Variants in LOC400499 observed in about 807,000 individuals in gnomAD.
the LOC400499 span, among the ~76,000 whole-genome samples, chr16:11,504,574 G>A: frequency 6.6e-5 from 10 of 151,480 alleles, no homozygotes; most frequent in South Asian, 2.1e-4. Flanking sequence ...AAAAAAAGAC[G>A]GATACGTAGG....
At chr16:11,421,787 G>A in the LOC400499 span, among the ~76,000 whole-genome samples, 17 of 152,116 alleles carry the variant, frequency 1.1e-4, no homozygotes, top group African/African-American at 3.6e-4. Flanking sequence ...GGGATGGGAG[G>A]GACTACTAAT....
chr16:11,444,088 A>G, the LOC400499 span, among the ~76,000 whole-genome samples: 1 of 151,804 alleles, frequency 6.6e-6, no homozygotes, highest in Non-Finnish European at 1.5e-5. Flanking sequence ...TGATCCACCC[A>G]CCCTGGCTTC....
At chr16:11,384,099 C>G in the LOC400499 span, 3 of 1,228,944 alleles carry the variant, frequency 2.4e-6, no homozygotes, top group Non-Finnish European at 2.0e-6. Flanking sequence ...CCCCCAAACC[C>G]TGGGCCTACG....
At chr16:11,450,173 G>T in the LOC400499 span, among the ~76,000 whole-genome samples, 2 of 152,258 alleles carry the variant, frequency 1.3e-5, no homozygotes, top group Non-Finnish European at 2.9e-5. Flanking sequence ...CAGCCCTGCA[G>T]ATGACACTCA....
chr16:11,446,107 G>A, the LOC400499 span, among the ~76,000 whole-genome samples: 76 of 151,864 alleles, frequency 5.0e-4, no homozygotes, highest in African/African-American at 1.8e-3. Flanking sequence ...TTACAGGTAT[G>A]AGCCACCACA....
the LOC400499 span, chr16:11,385,401 G>A: frequency 4.1e-6 from 5 of 1,232,300 alleles, no homozygotes; most frequent in Non-Finnish European, 5.1e-6. Context: ...CTGGGCCCCA[G>A]CCACCAGGGC....
At chr16:11,527,491 G>A in the LOC400499 span, among the ~76,000 whole-genome samples, 1 of 152,222 alleles carries the variant, frequency 6.6e-6, no homozygotes, top group Non-Finnish European at 1.5e-5. Flanking sequence ...TCTCAGGTCA[G>A]AAGGCAAGAC....
chr16:11,478,590 C>T, the LOC400499 span: 23 of 398,940 alleles, frequency 5.8e-5, no homozygotes, highest in East Asian at 5.7e-4. Context: ...CGTGACTCCC[C>T]GTGGCCCCGC....
At chr16:11,510,839 A>G in the LOC400499 span, among the ~76,000 whole-genome samples, 1 of 151,604 alleles carries the variant, frequency 6.6e-6, no homozygotes, top group East Asian at 1.9e-4. Flanking sequence ...GACAGGGCCA[A>G]GCCAGGGCCA....
the LOC400499 span, chr16:11,412,962 G>A: frequency 2.5e-6 from 1 of 399,260 alleles, no homozygotes; most frequent in East Asian, 3.6e-5. Context: ...AGCTGAGGAG[G>A]GAGCAGGCTG....
At chr16:11,427,950 AG>A in the LOC400499 span, among the ~76,000 whole-genome samples, 3 of 152,180 alleles carry the variant, frequency 2.0e-5, no homozygotes, top group African/African-American at 7.2e-5. Context: ...GTTACAGGAA[AG>A]GGGTCCGGAT....
the LOC400499 span, among the ~76,000 whole-genome samples, chr16:11,522,736 A>C: frequency 6.6e-6 from 1 of 152,196 alleles, no homozygotes; most frequent in Non-Finnish European, 1.5e-5. Flanking sequence ...CTACTCACCT[A>C]TCATCTTGAT....
the LOC400499 span, chr16:11,448,789 C>A: frequency 1.8e-6 from 1 of 556,258 alleles, no homozygotes; most frequent in Non-Finnish European, 2.9e-6. Flanking sequence ...ATAGAGGCTC[C>A]AGGAGGCCCA....
the LOC400499 span, among the ~76,000 whole-genome samples, chr16:11,386,028 C>G: frequency 6.6e-6 from 1 of 152,058 alleles, no homozygotes; most frequent in Non-Finnish European, 1.5e-5. Context: ...AGAGTGAGAC[C>G]TAGTCTCAAA....
At chr16:11,428,025 C>CAAAGCA in the LOC400499 span, among the ~76,000 whole-genome samples, 4 of 152,034 alleles carry the variant, frequency 2.6e-5, no homozygotes, top group African/African-American at 9.7e-5. Context: ...GTCCACGGTG[C>CAAAGCA]AAAGCAAAAG....
At chr16:11,417,470 G>T in the LOC400499 span, among the ~76,000 whole-genome samples, 1 of 114,224 alleles carries the variant, frequency 8.8e-6, no homozygotes, top group African/African-American at 4.1e-5. Context: ...TGCCTTGGGA[G>T]TTAGGTCATT....
the LOC400499 span, among the ~76,000 whole-genome samples, chr16:11,490,425 C>T: frequency 5.0e-5 from 7 of 139,118 alleles, no homozygotes; most frequent in Non-Finnish European, 6.1e-5. Flanking sequence ...AAAGTCCGGG[C>T]GCAGTGGCTC....
At chr16:11,373,837 C>A in the LOC400499 span, among the ~76,000 whole-genome samples, 1 of 152,110 alleles carries the variant, frequency 6.6e-6, no homozygotes, top group African/African-American at 2.4e-5. Flanking sequence ...TCATGCTGGT[C>A]TCAAACTCCT....
the LOC400499 span, among the ~76,000 whole-genome samples, chr16:11,511,914 G>A: frequency 6.6e-6 from 1 of 152,012 alleles, no homozygotes. Context: ...GTACTGGGGA[G>A]GCTGACACTG....
Sources: gnomAD v4.1 joint callset for allele counts (sites outside exome capture counted in the v4.1 genomes callset) on GRCh38, gnomAD v4.1.1 for gene constraint, MANE v1.5 for transcripts.